The following HMGCLL1 variants were observed in gnomAD, a reference collection of about 807,000 sequenced individuals.
HMGCLL1 encodes 3-hydroxy-3-methylglutaryl-CoA lyase like 1, also known as 3-hydroxymethyl-3-methylglutaryl-CoA lyase, cytoplasmic.
In HMGCLL1, 36 loss-of-function variants were observed where a neutral mutation model predicts 39.1. The ratio of observed to expected loss-of-function variants is 0.92; its 90% CI spans 0.71 to 1.22. The LOEUF is 1.22. Ranked by LOEUF, HMGCLL1 falls within the 50% of genes most tolerant of loss-of-function variation. The probability of loss-of-function intolerance (pLI) is 0.00; values close to 1 mark genes in which losing one functional copy is unlikely to be tolerated. For missense variants in HMGCLL1, 451 were observed against 416.5 expected, an observed-to-expected ratio of 1.08 and a Z score of -0.72; for synonymous variants, 149 against 144.0, an observed-to-expected ratio of 1.03 and a Z score of -0.25.
At chr6:55,619,671 G>C in the HMGCLL1 span, among the ~76,000 whole-genome samples, 1 of 152,126 alleles carries the variant, frequency 6.6e-6, no homozygotes, top group South Asian at 2.1e-4. Flanking sequence ...CTTATCCCAA[G>C]CATTTATCAC....
chr6:55,624,042 C>T, the HMGCLL1 span, among the ~76,000 whole-genome samples: 14 of 152,242 alleles, frequency 9.2e-5, no homozygotes, highest in East Asian at 2.5e-3. Context: ...CAGTTCAGAG[C>T]CAGTGTCCAG....
the HMGCLL1 span, among the ~76,000 whole-genome samples, chr6:55,601,480 C>A: frequency 6.6e-6 from 1 of 152,148 alleles, no homozygotes; most frequent in Non-Finnish European, 1.5e-5. Flanking sequence ...ACTATAAATT[C>A]CACTGCATTC....
chr6:55,544,374 T>C (rs964578515), intron 1 of HMGCLL1, among the ~76,000 whole-genome samples: 5 of 152,198 alleles, frequency 3.3e-5, no homozygotes, highest in African/African-American at 1.2e-4. Flanking sequence ...CTTTCCAGAC[T>C]GTACCAACAT....
At position 55,477,305 on chromosome 6, in the gene HMGCLL1, T is replaced by A. The variant is rs1247030017; in HGVS notation, c.795+18114A>T. 2.4e-4 allele frequency among the ~76,000 whole-genome samples: 3 copies of A among 12,706 alleles called. 1 individual carries two copies. Among genetic ancestry groups the A allele is most frequent in the Non-Finnish European group, 3.2e-4 (3 of 9,260 alleles). The allele number at this position is 12,706 out of a possible 152,430, so 8.3% of individuals were successfully genotyped here. On this transcript the variant is annotated intron_variant, in intron 7 of 8. Coordinates refer to ENST00000274901, the MANE Select transcript of HMGCLL1 (RefSeq NM_001042406.2). ...ATATTATATATAAAATAATATATAT[T>A]ATATATATAATATATATTATATTAT...
chr6:55,670,375 A>G, the HMGCLL1 span, among the ~76,000 whole-genome samples: 1 of 151,892 alleles, frequency 6.6e-6, no homozygotes, highest in Non-Finnish European at 1.5e-5. Flanking sequence ...TTCAGACAAA[A>G]CAGAAATTAT....
At position 55,480,584 on chromosome 6, in the gene HMGCLL1, C is replaced by T. The variant is rs150462037; in HGVS notation, c.795+14835G>A. 4.4e-3 allele frequency among the ~76,000 whole-genome samples: 662 copies of T among 151,610 alleles called. 31 individuals are homozygous for T. The highest frequency in any genetic ancestry group is 0.015 in the African/African-American group (619 of 41,026). On this transcript the variant is annotated intron_variant, in intron 7 of 8. Coordinates refer to ENST00000274901, the MANE Select transcript of HMGCLL1 (RefSeq NM_001042406.2). ...TTCCTCAAAGTAAAAATAGAGGTACCGTATCTATTTAGGTACCGTACACAT... is the reference window on the plus strand; with the variant it reads ...TTCCTCAAAGTAAAAATAGAGGTACTGTATCTATTTAGGTACCGTACACAT...
intron 1 of HMGCLL1, among the ~76,000 whole-genome samples, chr6:55,570,223 T>C (rs1395060048): frequency 6.6e-6 from 1 of 152,158 alleles, no homozygotes; most frequent in Non-Finnish European, 1.5e-5. Context: ...AAGATTCAAG[T>C]CTTCTTTATT....
intron 7 of HMGCLL1, among the ~76,000 whole-genome samples, chr6:55,484,894 T>A (rs928809093): frequency 4.1e-4 from 61 of 147,068 alleles, no homozygotes; most frequent in Admixed American, 4.1e-3. Context: ...AAGCCAGGAC[T>A]GCTCAAAACC....
At chr6:55,469,625 G>C (rs185106952) in intron 7 of HMGCLL1, among the ~76,000 whole-genome samples, 33 of 151,404 alleles carry the variant, frequency 2.2e-4, no homozygotes, top group Admixed American at 7.3e-4. Flanking sequence ...AAGAAGAGAG[G>C]ATGAGGAAAG....
chr6:55,561,715 T>G (rs1344773049), intron 1 of HMGCLL1, among the ~76,000 whole-genome samples: 1 of 152,188 alleles, frequency 6.6e-6, no homozygotes, highest in African/African-American at 2.4e-5. Context: ...ATCAGTATAA[T>G]GCAGCACATA....
the HMGCLL1 span, among the ~76,000 whole-genome samples, chr6:55,635,587 C>A: frequency 6.6e-6 from 1 of 152,130 alleles, no homozygotes; most frequent in African/African-American, 2.4e-5. Context: ...AGCTAGTCAT[C>A]ATTTAGATGC....
chr6:55,627,486 G>A, the HMGCLL1 span, among the ~76,000 whole-genome samples: 10 of 151,932 alleles, frequency 6.6e-5, no homozygotes, highest in African/African-American at 2.4e-4. Flanking sequence ...GGTTCACATT[G>A]ACAAGGGGTG....
the HMGCLL1 span, among the ~76,000 whole-genome samples, chr6:55,644,955 A>G: frequency 4.6e-5 from 7 of 151,986 alleles, no homozygotes; most frequent in Non-Finnish European, 1.0e-4. Flanking sequence ...GTATTTTGAT[A>G]GGGATTGCAC....
Position 55,553,267 on chromosome 6 carries a change from G to GTGTGTGTGTGTGTGTA in HMGCLL1, c.109-11128_109-11127insTACACACACACACACA, listed in dbSNP as rs1278805027. ...TATATACGTGTGTGTGTGTGTGTGT[G>GTGTGTGTGTGTGTGTA]TGTATGTATGTATGTATGTAACTAG... is the stretch of plus-strand genomic sequence containing the variant. On this transcript the variant is annotated intron_variant, in intron 1 of 8. Transcript: ENST00000274901. Among the ~76,000 whole-genome samples the GTGTGTGTGTGTGTGTA allele has an allele frequency of 9.9e-5, 15 of 151,156 alleles. No individual in the cohort carries two copies. The South Asian group carries it at 2.9e-3, about 30-fold the overall frequency.
intron 3 of HMGCLL1, among the ~76,000 whole-genome samples, chr6:55,528,641 GT>G (rs5876457): frequency 4.7e-5 from 7 of 149,276 alleles, no homozygotes; most frequent in African/African-American, 9.8e-5. Context: ...TGAACATCCA[GT>G]TTTTTTTTTT....
At chr6:55,530,162 T>A (rs1014007307) in intron 3 of HMGCLL1, among the ~76,000 whole-genome samples, 9 of 152,120 alleles carry the variant, frequency 5.9e-5, no homozygotes, top group African/African-American at 2.2e-4. Context: ...ACAAGATGCA[T>A]CCATCTTGAC....
chr6:55,661,686 G>A, the HMGCLL1 span, among the ~76,000 whole-genome samples: 2,160 of 151,922 alleles, frequency 0.014, 44 homozygotes, highest in African/African-American at 0.049. Flanking sequence ...GATTGCCTTG[G>A]CTATTTGGAC....
chr6:55,505,708 A>G (rs1054661221), intron 5 of HMGCLL1, among the ~76,000 whole-genome samples: 34 of 151,814 alleles, frequency 2.2e-4, no homozygotes, highest in African/African-American at 8.2e-4. Flanking sequence ...AGTTTAGAAA[A>G]AAAATTTCAT....
chr6:55,495,332 G>GT (rs1405237135), intron 7 of HMGCLL1, 87 bp downstream of exon 7: 6 of 1,016,286 alleles, frequency 5.9e-6, no homozygotes, highest in Non-Finnish European at 8.6e-6. Flanking sequence ...TATGAAAATT[G>GT]TAACAATACA....
Sources: gnomAD v4.1 joint callset for allele counts (sites outside exome capture counted in the v4.1 genomes callset) on GRCh38, gnomAD v4.1.1 for gene constraint, MANE v1.5 for transcripts, NCBI Gene and HGNC (gene_info 2026-07-23, HGNC 2026-07-21) for gene names.